Variants in GRIK2 observed in about 807,000 individuals in gnomAD.
The protein encoded by GRIK2 is glutamate receptor ionotropic, kainate 2.
In GRIK2, 32 loss-of-function variants were observed where a neutral mutation model predicts 100.3. The observed-to-expected ratio is 0.32, with a 90% CI of 0.24 to 0.43. The LOEUF is 0.43. Ranked by LOEUF, GRIK2 falls within the 20% of genes least tolerant of loss-of-function variation. The pLI is 1.00. For synonymous variants in GRIK2, 417 were observed against 389.4 expected, an observed-to-expected ratio of 1.07 and a Z score of -0.83; for missense variants, 843 against 1,114.9, an observed-to-expected ratio of 0.76 and a Z score of 3.47.
intron 4 of GRIK2, among the ~76,000 whole-genome samples, chr6:101,660,268 A>G (rs1769515953): frequency 6.6e-6 from 1 of 151,884 alleles, no homozygotes; most frequent in Non-Finnish European, 1.5e-5. Context: ...TGATTCAGCT[A>G]TTGATACTTG....
chr6:101,681,187 A>T (rs1771216549), intron 5 of GRIK2, among the ~76,000 whole-genome samples: 1 of 152,124 alleles, frequency 6.6e-6, no homozygotes, highest in Non-Finnish European at 1.5e-5. Flanking sequence ...GGATATTTTG[A>T]TACAGGCATA....
At chr6:101,997,448 T>A (rs1794710201) in intron 14 of GRIK2, among the ~76,000 whole-genome samples, 1 of 152,084 alleles carries the variant, frequency 6.6e-6, no homozygotes, top group Non-Finnish European at 1.5e-5. Flanking sequence ...TGTATATATT[T>A]GTTTTAGTTT....
chr6:101,664,926 A>G (rs1769902739), intron 4 of GRIK2, among the ~76,000 whole-genome samples: 1 of 152,200 alleles, frequency 6.6e-6, no homozygotes, highest in African/African-American at 2.4e-5. Context: ...ACTTACTAAC[A>G]TGAGAACAGT....
intron 2 of GRIK2, chr6:101,430,779 A>G: frequency 4.2e-6 from 1 of 238,246 alleles, no homozygotes; most frequent in Non-Finnish European, 9.3e-6. Context: ...GCTCCTTTCC[A>G]GGGAGGAAGA....
At position 101,889,235 on chromosome 6, in the gene GRIK2, A is replaced by C. The variant is rs991844196; in HGVS notation, c.1525-405A>C. On this transcript the variant is annotated intron_variant, in intron 11 of 16. Transcript: ENST00000369134. ...ATAATTTGATGTAGTTATTATTACT[A>C]TTATAATTTGACCAATGTATTAAGA... Among the ~76,000 whole-genome samples the C allele has an allele frequency of 7.2e-5, 11 of 152,188 alleles. No individual in the cohort carries two copies. The South Asian group carries it at 2.3e-3, about 32-fold the overall frequency.
Position 101,552,470 on chromosome 6 carries a change from G to T in GRIK2, c.116-69479G>T, listed in dbSNP as rs549680219. On this transcript the variant is annotated intron_variant, in intron 2 of 16. Transcript: ENST00000369134. ...GTTTCTTTAGGGTAAATCCCAGGGA[G>T]CCCCTCCTAACCCTGCATTATTTCT... Among the ~76,000 whole-genome samples the T allele has an allele frequency of 4.6e-5, 7 of 152,068 alleles. 1 individual carries two copies. Among genetic ancestry groups the T allele is most frequent in the South Asian group, 4.1e-4 (2 of 4,826 alleles).
chr6:101,848,326 C>T (rs1366791753), intron 10 of GRIK2, among the ~76,000 whole-genome samples: 2 of 151,844 alleles, frequency 1.3e-5, no homozygotes, highest in African/African-American at 4.8e-5. Context: ...AGTTTATCAA[C>T]TGCTTCTATG....
At chr6:101,588,582 C>A (rs960290237) in intron 2 of GRIK2, among the ~76,000 whole-genome samples, 2 of 151,890 alleles carry the variant, frequency 1.3e-5, no homozygotes, top group East Asian at 3.9e-4. Flanking sequence ...GAGTTTGAAG[C>A]TGTAGTGCAC....
chr6:101,550,862 CTTT>C (rs1314127493), intron 2 of GRIK2, among the ~76,000 whole-genome samples: 1 of 152,154 alleles, frequency 6.6e-6, no homozygotes, highest in Non-Finnish European at 1.5e-5. Flanking sequence ...GAGTATGCTT[CTTT>C]ATCTCTCTGA....
At chr6:101,777,307 T>A (rs1778807419) in intron 7 of GRIK2, among the ~76,000 whole-genome samples, 1 of 152,050 alleles carries the variant, frequency 6.6e-6, no homozygotes, top group Non-Finnish European at 1.5e-5. Context: ...GCTGAATGAG[T>A]GAGCACCAGC....
chr6:101,886,061 A>G (rs1435675538), intron 11 of GRIK2, among the ~76,000 whole-genome samples: 9 of 152,142 alleles, frequency 5.9e-5, no homozygotes, highest in Admixed American at 3.3e-4. Flanking sequence ...TGCTCCACAT[A>G]TTCAGCACTA....
At chr6:101,762,070 TTC>T (rs1491230639) in intron 7 of GRIK2, among the ~76,000 whole-genome samples, 7 of 132,054 alleles carry the variant, frequency 5.3e-5, no homozygotes, top group African/African-American at 2.1e-4. Flanking sequence ...TTCCTTTCCT[TTC>T]CCCTCCCTTC....
intron 1 of GRIK2, among the ~76,000 whole-genome samples, chr6:101,396,171 T>C (rs1166185235): frequency 6.6e-6 from 1 of 151,838 alleles, no homozygotes; most frequent in Non-Finnish European, 1.5e-5. Flanking sequence ...AACTTCAAAA[T>C]TGCCACATGT....
intron 7 of GRIK2, among the ~76,000 whole-genome samples, chr6:101,781,227 T>C (rs1779072004): frequency 6.6e-6 from 1 of 152,172 alleles, no homozygotes; most frequent in South Asian, 2.1e-4. Context: ...AGTGATCAGA[T>C]TTCACTAATA....
intron 2 of GRIK2, among the ~76,000 whole-genome samples, chr6:101,555,658 G>A (rs1472075258): frequency 3.9e-5 from 6 of 152,188 alleles, no homozygotes; most frequent in African/African-American, 9.6e-5. Context: ...GAATTATAAT[G>A]TTTGTAGAAA....
In GRIK2 at chr6:102,009,144, T is replaced by C. The variant is rs572596162; in HGVS notation, c.2086-26197T>C. 6.6e-5 allele frequency among the ~76,000 whole-genome samples: 10 copies of C among 152,208 alleles called. No individual in the cohort carries two copies. In the South Asian group the frequency reaches 2.1e-3, roughly 32 times the overall value. ...AGATGGTTTATGTAGATATGTACTT[T>C]ATGTTTTCTGAACACATAAATTGAA... On this transcript the variant is annotated intron_variant, in intron 14 of 16. Coordinates refer to ENST00000369134, the MANE Select transcript of GRIK2 (RefSeq NM_021956.5).
At chr6:101,439,830 C>T (rs774877269) in intron 2 of GRIK2, among the ~76,000 whole-genome samples, 3 of 151,854 alleles carry the variant, frequency 2.0e-5, no homozygotes, top group Non-Finnish European at 4.4e-5. Flanking sequence ...ATAGGCATAC[C>T]TAGTTATCTT....
At chr6:101,713,755 A>G (rs1773874423) in intron 7 of GRIK2, among the ~76,000 whole-genome samples, 1 of 151,786 alleles carries the variant, frequency 6.6e-6, no homozygotes, top group Non-Finnish European at 1.5e-5. Flanking sequence ...ATTTATAATT[A>G]CATTTGTGAC....
intron 12 of GRIK2, among the ~76,000 whole-genome samples, chr6:101,916,840 T>C (rs1789143442): frequency 6.6e-6 from 1 of 151,722 alleles, no homozygotes; most frequent in Non-Finnish European, 1.5e-5. Flanking sequence ...TTTTCAATAG[T>C]TTATTATTTA....
Sources: allele counts gnomAD v4.1 joint callset (sites outside exome capture counted in the v4.1 genomes callset), GRCh38; gene constraint gnomAD v4.1.1; transcripts MANE v1.5; gene names NCBI Gene and HGNC (gene_info 2026-07-23, HGNC 2026-07-21).